Variants in ANXA11 observed in about 807,000 individuals in gnomAD.
ANXA11 encodes annexin A11, also known as 56 kDa autoantigen.
Under a neutral mutation model 64.7 loss-of-function variants are expected in ANXA11, and 57 were observed. The observed-to-expected ratio is 0.88, with a 90% CI of 0.71 to 1.10. ANXA11 has a LOEUF of 1.10. Among genes scored for constraint, ANXA11 ranks in the 50% least tolerant of loss-of-function variants. The probability of loss-of-function intolerance (pLI) is 0.00; values close to 1 mark genes in which losing one functional copy is unlikely to be tolerated. For synonymous variants in ANXA11, 260 were observed against 265.2 expected (o/e 0.98, Z 0.19); for missense variants, 675 against 670.7 (o/e 1.01, Z -0.07).
chr10:80,158,080 A>C (rs1002809425), intron 13 of ANXA11, 55 bp from the exon 14 acceptor site: 10 of 1,550,582 alleles, frequency 6.4e-6, no homozygotes, highest in Non-Finnish European at 8.0e-6. Flanking sequence ...CAGCCCAAGC[A>C]GGGCATGGAG....
At chr10:80,164,631 C>T (rs573478937) in intron 8 of ANXA11, among the ~76,000 whole-genome samples, 1 of 152,324 alleles carries the variant, frequency 6.6e-6, no homozygotes, top group Admixed American at 6.5e-5. Flanking sequence ...ATGAATCGGA[C>T]AACCACGCCA....
At chr10:80,174,246 G>C (rs1296727151) in intron 2 of ANXA11, among the ~76,000 whole-genome samples, 2 of 151,816 alleles carry the variant, frequency 1.3e-5, no homozygotes, top group Admixed American at 6.6e-5. Flanking sequence ...GCCGAGGCTG[G>C]TATATGCTGT....
At chr10:80,194,496 A>G (rs569098817) in intron 1 of ANXA11, among the ~76,000 whole-genome samples, 4 of 149,910 alleles carry the variant, frequency 2.7e-5, no homozygotes, top group Admixed American at 2.7e-4. Flanking sequence ...ACACACTACA[A>G]TATTTAAGAG....
chr10:80,161,051 C>T (rs1235534587), intron 12 of ANXA11, among the ~76,000 whole-genome samples: 1 of 152,190 alleles, frequency 6.6e-6, no homozygotes, highest in Non-Finnish European at 1.5e-5. Context: ...TGGCCTTGCA[C>T]CCTTCACTCC....
At chr10:80,163,234 T>C in intron 11 of ANXA11, 115 bp downstream of exon 11, 1 of 1,188,636 alleles carries the variant, frequency 8.4e-7, no homozygotes, top group Non-Finnish European at 1.2e-6. Flanking sequence ...TCACAGCATC[T>C]GCAACCCACT....
At chr10:80,180,644 GTTT>G (rs5786436) in intron 1 of ANXA11, among the ~76,000 whole-genome samples, 2 of 147,784 alleles carry the variant, frequency 1.4e-5, no homozygotes, top group Non-Finnish European at 3.0e-5. Context: ...TTGTATATTA[GTTT>G]TTTTTTTTTT....
At chr10:80,178,864 A>G (rs1242084418) in intron 1 of ANXA11, among the ~76,000 whole-genome samples, 1 of 152,216 alleles carries the variant, frequency 6.6e-6, no homozygotes, top group East Asian at 1.9e-4. Context: ...GGATAGGCCC[A>G]GGAATCTGAA....
intron 1 of ANXA11, among the ~76,000 whole-genome samples, chr10:80,191,063 T>C (rs1469359677): frequency 6.6e-6 from 1 of 151,780 alleles, no homozygotes; most frequent in Non-Finnish European, 1.5e-5. Flanking sequence ...CCATCTCTAC[T>C]AAAAATACAA....
chr10:80,174,250 A>G (rs187052400), intron 2 of ANXA11, among the ~76,000 whole-genome samples: 119 of 151,284 alleles, frequency 7.9e-4, no homozygotes, highest in Non-Finnish European at 1.2e-3. Context: ...AGGCTGGTAT[A>G]TGCTGTTCTT....
chr10:80,189,539 G>A (rs377269091), intron 1 of ANXA11, among the ~76,000 whole-genome samples: 6 of 152,222 alleles, frequency 3.9e-5, no homozygotes, highest in East Asian at 3.8e-4. Context: ...CATACAGGCC[G>A]AGTACCTCTC....
intron 11 of ANXA11, among the ~76,000 whole-genome samples, chr10:80,162,485 C>T (rs1845552986): frequency 6.6e-6 from 1 of 152,236 alleles, no homozygotes; most frequent in Non-Finnish European, 1.5e-5. Context: ...GCTGACTGGG[C>T]ACAGAAGACC....
At chr10:80,160,293 G>C (rs773706888) in intron 12 of ANXA11, among the ~76,000 whole-genome samples, 3 of 152,136 alleles carry the variant, frequency 2.0e-5, no homozygotes, top group Non-Finnish European at 4.4e-5. Flanking sequence ...TTTCACTCAG[G>C]CTCCATTACA....
In ANXA11 at chr10:80,170,844, C is replaced by A; in HGVS notation, c.127G>T (p.Ala43Ser). The change falls in exon 4 of 16, where the codon GCC (alanine) becomes TCC (serine). Residue 43 changes from alanine (A) to serine (S), a missense_variant. Physicochemically the swap from Ala to Ser is moderately conservative, Grantham distance 99 (BLOSUM62 1). Coordinates refer to ENST00000422982, the MANE Select transcript of ANXA11 (RefSeq NM_145868.2). ...TGGTTGAACTGCCCCGCATAGGTGG[C>A]CACGTTATCCAGCCCGATGGGGGGC... ...SMPPIGLDNV[A>S]TYAGQFNQDY... The A allele has an allele frequency of 6.6e-7, 1 of 1,519,200 alleles. No individual in the cohort carries two copies. The highest frequency in any genetic ancestry group is 1.4e-5 in the South Asian group (1 of 74,062). The allele number at this position is 1,519,200 out of a possible 1,614,324, so 94.1% of individuals were successfully genotyped here.
At position 80,167,237 on chromosome 10, in the gene ANXA11, A is replaced by C. The variant is rs778692682; in HGVS notation, c.638T>G (p.Met213Arg). ...LRDAEVLRKA[M>R]KGFGTDEQAI... Reference sequence around the variant, plus strand: ...CCAGGGTCTCTTACCGAAGCCTTTCATGGCCTTCCGCAGGACCTCGGCATC... The same window carrying C: ...CCAGGGTCTCTTACCGAAGCCTTTCCTGGCCTTCCGCAGGACCTCGGCATC... The change falls in exon 6 of 16, where the codon ATG becomes AGG. Residue 213 changes from methionine to arginine, a missense_variant. Coordinates refer to ENST00000422982, the MANE Select transcript of ANXA11 (RefSeq NM_145868.2). 1 of 1,614,108 alleles carries C rather than the reference A, an allele frequency of 6.2e-7. No homozygotes were observed. The highest frequency in any genetic ancestry group is 1.1e-5 in the South Asian group (1 of 91,090).
rs757846283 is a variant in ANXA11 at position 80,169,299 on chromosome 10, G to A, written c.231C>T (p.Ala77=). The A allele has an allele frequency of 2.5e-6, 4 of 1,611,190 alleles. No homozygotes were observed. The highest frequency in any genetic ancestry group is 2.2e-5 in the East Asian group (1 of 44,868). ...GANMPNLYPG[A]PGAGYPPVPP... ...GCACTGGTGGGTAGCCAGCCCCAGG[G>A]GCCCCAGGGTACAGGTTGGGCATGT... Residue 77 remains alanine, a synonymous_variant, in exon 5 of 16, where the codon GCC becomes GCT. Transcript: ENST00000422982.
At chr10:80,162,304 C>T (rs531518437) in intron 11 of ANXA11, among the ~76,000 whole-genome samples, 17 of 152,212 alleles carry the variant, frequency 1.1e-4, no homozygotes, top group Non-Finnish European at 2.4e-4. Context: ...CAATTTTTGC[C>T]CCGCTAAAAG....
At chr10:80,191,001 G>A (rs1250205395) in intron 1 of ANXA11, among the ~76,000 whole-genome samples, 3 of 151,876 alleles carry the variant, frequency 2.0e-5, no homozygotes, top group Non-Finnish European at 4.4e-5. Context: ...TGAGGCAGGC[G>A]GATCACCTGA....
At chr10:80,167,418 T>C in intron 5 of ANXA11, 105 bp from the exon 6 acceptor site, 1 of 1,005,536 alleles carries the variant, frequency 9.9e-7, no homozygotes, top group Non-Finnish European at 1.5e-6. Flanking sequence ...CTCTAAGAGT[T>C]GGAGTATCTA....
intron 13 of ANXA11, 27 bp from the exon 14 acceptor site, chr10:80,158,052 A>G (rs1845348865): frequency 6.2e-7 from 1 of 1,611,306 alleles, no homozygotes; most frequent in African/African-American, 1.3e-5. Flanking sequence ...CGGCATAACC[A>G]GATCTGCAGA....
Sources: allele counts gnomAD v4.1 joint callset (sites outside exome capture counted in the v4.1 genomes callset), GRCh38; gene constraint gnomAD v4.1.1; transcripts MANE v1.5; gene names NCBI Gene and HGNC (gene_info 2026-07-23, HGNC 2026-07-21).